The following CNTNAP2 variants were observed in gnomAD, a reference collection of about 807,000 sequenced individuals.
CNTNAP2 encodes the protein contactin associated protein 2, also known as contactin-associated protein-like 2.
Under a neutral mutation model 155.2 loss-of-function variants are expected in CNTNAP2, and 98 were observed. That is an observed-to-expected ratio of 0.63 (90% CI 0.54 to 0.75). CNTNAP2 has a LOEUF of 0.75. Ranked by LOEUF, CNTNAP2 falls within the 30% of genes least tolerant of loss-of-function variation. The pLI is 0.00. For synonymous variants in CNTNAP2, 651 were observed against 631.2 expected (o/e 1.03, Z -0.47); for missense variants, 1,727 against 1,688.1 (o/e 1.02, Z -0.40).
intron 13 of CNTNAP2, among the ~76,000 whole-genome samples, chr7:147,773,847 T>A (rs936167411): frequency 5.9e-5 from 9 of 152,110 alleles, no homozygotes; most frequent in Non-Finnish European, 1.0e-4. Context: ...AACAAAAAAT[T>A]TTTTTTAATA....
At chr7:146,385,759 T>A (rs959503872) in intron 1 of CNTNAP2, among the ~76,000 whole-genome samples, 3 of 152,226 alleles carry the variant, frequency 2.0e-5, no homozygotes, top group Non-Finnish European at 4.4e-5. Flanking sequence ...TGAAATAGTT[T>A]TCATTCCGTT....
At chr7:146,366,915 A>G (rs375667198) in intron 1 of CNTNAP2, among the ~76,000 whole-genome samples, 10 of 152,232 alleles carry the variant, frequency 6.6e-5, no homozygotes, top group African/African-American at 2.2e-4. Flanking sequence ...AGACCTCAAC[A>G]TTTTGTCAGG....
chr7:146,138,940 A>G (rs1797836755), intron 1 of CNTNAP2, among the ~76,000 whole-genome samples: 2 of 152,182 alleles, frequency 1.3e-5, no homozygotes, highest in African/African-American at 4.8e-5. Flanking sequence ...TTGGGTCCCT[A>G]TAAATCCACT....
intron 1 of CNTNAP2, among the ~76,000 whole-genome samples, chr7:146,371,958 C>CAAAAAAAAAAAAAA (rs111816450): frequency 9.3e-6 from 1 of 107,704 alleles, no homozygotes; most frequent in African/African-American, 3.1e-5. Flanking sequence ...AACTCCATCT[C>CAAAAAAAAAAAAAA]AAAAAAAAAA....
chr7:148,062,028 A>AGAGAGAGTGTGTGTGT (rs1388530831), intron 15 of CNTNAP2, among the ~76,000 whole-genome samples: 1 of 105,976 alleles, frequency 9.4e-6, no homozygotes, highest in Non-Finnish European at 2.0e-5. Context: ...AGAGAGAGAG[A>AGAGAGAGTGTGTGTGT]GTGTGTGTGT....
chr7:148,276,175 T>C (rs1375875649), intron 21 of CNTNAP2, among the ~76,000 whole-genome samples: 1 of 152,136 alleles, frequency 6.6e-6, no homozygotes, highest in Admixed American at 6.5e-5. Flanking sequence ...AAAATAGGAC[T>C]ACGCAGTTGT....
chr7:148,259,506 A>G (rs1004116449), intron 20 of CNTNAP2, among the ~76,000 whole-genome samples: 3 of 152,234 alleles, frequency 2.0e-5, no homozygotes, highest in East Asian at 1.9e-4. Context: ...CCCTAAAATT[A>G]ACGATTAGGA....
chr7:147,724,696 G>A (rs942446254), intron 13 of CNTNAP2, among the ~76,000 whole-genome samples: 6 of 151,936 alleles, frequency 3.9e-5, no homozygotes, highest in African/African-American at 7.2e-5. Flanking sequence ...TGGATAATAC[G>A]CTGCAGGTAA....
chr7:146,622,263 CTATCTATCTATCTATCTA>C (rs1236597404), intron 1 of CNTNAP2, among the ~76,000 whole-genome samples: 12 of 133,628 alleles, frequency 9.0e-5, no homozygotes, highest in African/African-American at 4.0e-4. Context: ...ATCTATCTAT[CTATCTATCTATCTATCTA>C]TATATATATA....
At chr7:147,823,582 A>G (rs1723430) in intron 13 of CNTNAP2, among the ~76,000 whole-genome samples, 52,900 of 152,044 alleles carry the variant, frequency 0.35, 9,420 homozygotes, top group Middle Eastern at 0.4. Flanking sequence ...ATACCACTGC[A>G]ATTTGCTCTG....
chr7:148,307,347 C>G (rs1563034894), intron 21 of CNTNAP2, among the ~76,000 whole-genome samples: 1 of 152,142 alleles, frequency 6.6e-6, no homozygotes, highest in Non-Finnish European at 1.5e-5. Flanking sequence ...CACATAAACA[C>G]ACATATCCAG....
intron 21 of CNTNAP2, among the ~76,000 whole-genome samples, chr7:148,288,913 T>G (rs1406256206): frequency 7.2e-6 from 1 of 139,492 alleles, no homozygotes; most frequent in African/African-American, 2.8e-5. Flanking sequence ...TTTGACTTTT[T>G]AATTACAACA....
intron 13 of CNTNAP2, among the ~76,000 whole-genome samples, chr7:147,664,187 T>C (rs1394778538): frequency 6.6e-6 from 1 of 152,248 alleles, no homozygotes; most frequent in African/African-American, 2.4e-5. Flanking sequence ...ATTCTAATCC[T>C]GTTTTTGTAT....
rs1192981661 is a variant in CNTNAP2 at position 147,658,181 on chromosome 7, C to T, written c.2098+18875C>T. On this transcript the variant is annotated intron_variant, in intron 13 of 23. Coordinates refer to ENST00000361727, the MANE Select transcript of CNTNAP2 (RefSeq NM_014141.6). ...CTGAGGCAGGAGAATGGCGTGAACC[C>T]GGGAGGCGGAGCTTGCAGTGAGCCG... 1.5e-4 allele frequency among the ~76,000 whole-genome samples: 18 copies of T among 118,976 alleles called. 1 individual carries two copies. The highest frequency in any genetic ancestry group is 5.1e-4 in the African/African-American group (18 of 35,346). 78.1% of individuals were successfully genotyped at this position (118,976 alleles called of 152,430 possible). A position where few individuals can be genotyped will look rare whatever the true frequency, so the allele number is the denominator to read the frequency against.
intron 1 of CNTNAP2, among the ~76,000 whole-genome samples, chr7:146,405,846 A>G (rs1795783500): frequency 6.6e-6 from 1 of 152,244 alleles, no homozygotes; most frequent in Non-Finnish European, 1.5e-5. Flanking sequence ...TTAGGACAGA[A>G]TGGGGCCAGT....
At chr7:146,591,421 GAA>G (rs1283973733) in intron 1 of CNTNAP2, among the ~76,000 whole-genome samples, 12 of 16,622 alleles carry the variant, frequency 7.2e-4, no homozygotes, top group Non-Finnish European at 1.4e-3. Flanking sequence ...TAATAATTGA[GAA>G]ATGTAAAATA....
intron 3 of CNTNAP2, among the ~76,000 whole-genome samples, chr7:146,931,358 G>A (rs1374288271): frequency 6.7e-6 from 1 of 149,952 alleles, no homozygotes; most frequent in East Asian, 2.0e-4. Flanking sequence ...ACGAAATGAA[G>A]GCAGAAATAA....
At chr7:147,689,239 T>G (rs1263573204) in intron 13 of CNTNAP2, among the ~76,000 whole-genome samples, 2 of 150,616 alleles carry the variant, frequency 1.3e-5, no homozygotes, top group Non-Finnish European at 3.0e-5. Flanking sequence ...AAGCTCCACC[T>G]CCCTGGTTCA....
At chr7:146,799,048 CA>C (rs1802824976) in intron 2 of CNTNAP2, among the ~76,000 whole-genome samples, 3 of 152,150 alleles carry the variant, frequency 2.0e-5, no homozygotes, top group Non-Finnish European at 4.4e-5. Context: ...ATATGAACCA[CA>C]ACCACATCAC....
Sources: allele counts gnomAD v4.1 joint callset (sites outside exome capture counted in the v4.1 genomes callset), GRCh38; gene constraint gnomAD v4.1.1; transcripts MANE v1.5; gene names NCBI Gene and HGNC (gene_info 2026-07-23, HGNC 2026-07-21).